Variants in PPARGC1A observed in about 807,000 individuals in gnomAD.
PPARGC1A encodes the protein PPARG coactivator 1 alpha.
In PPARGC1A, 25 loss-of-function variants were observed where a neutral mutation model predicts 88.7. That is an observed-to-expected ratio of 0.28 (90% confidence interval 0.21 to 0.39). PPARGC1A has a LOEUF of 0.39. Among genes scored for constraint, PPARGC1A ranks in the 10% least tolerant of loss-of-function variants. PPARGC1A has a pLI of 1.00. For synonymous variants in PPARGC1A, 363 were observed against 355.6 expected (o/e 1.02, Z -0.24); for missense variants, 880 against 968.7 (o/e 0.91, Z 1.22).
chr4:23,942,611 C>T, the PPARGC1A span, among the ~76,000 whole-genome samples: 1 of 152,194 alleles, frequency 6.6e-6, no homozygotes, highest in Non-Finnish European at 1.5e-5. Context: ...ATTAAGCACT[C>T]ATACACTTAG....
chr4:24,171,127 C>T, the PPARGC1A span, among the ~76,000 whole-genome samples: 4 of 152,096 alleles, frequency 2.6e-5, no homozygotes, highest in African/African-American at 4.8e-5. Context: ...ATTTAAGTGT[C>T]CCGGCCAGGC....
At chr4:23,976,287 G>T in the PPARGC1A span, among the ~76,000 whole-genome samples, 1 of 152,164 alleles carries the variant, frequency 6.6e-6, no homozygotes, top group Non-Finnish European at 1.5e-5. Context: ...TGTAGGCTTG[G>T]GACCCTGAAG....
chr4:23,830,988 T>C (rs1373603090), intron 3 of PPARGC1A, among the ~76,000 whole-genome samples: 1 of 152,172 alleles, frequency 6.6e-6, no homozygotes, highest in Non-Finnish European at 1.5e-5. Context: ...TTTCTAGGAT[T>C]GTATGTATAA....
At chr4:24,347,209 C>T in the PPARGC1A span, among the ~76,000 whole-genome samples, 2 of 152,084 alleles carry the variant, frequency 1.3e-5, no homozygotes, top group African/African-American at 2.4e-5. Flanking sequence ...GGAGAAAGTT[C>T]CATGTGCTGT....
chr4:24,317,724 C>T, the PPARGC1A span, among the ~76,000 whole-genome samples: 1 of 151,884 alleles, frequency 6.6e-6, no homozygotes, highest in Non-Finnish European at 1.5e-5. Flanking sequence ...CTGTTCTCCA[C>T]AGCCCCAGCC....
chr4:23,832,571 A>T (rs1725207232), intron 2 of PPARGC1A, among the ~76,000 whole-genome samples: 1 of 150,898 alleles, frequency 6.6e-6, no homozygotes, highest in Non-Finnish European at 1.5e-5. Flanking sequence ...TGGCTGGGGT[A>T]CTATTCCAGT....
intron 2 of PPARGC1A, among the ~76,000 whole-genome samples, chr4:23,848,397 C>A (rs1000588203): frequency 6.6e-6 from 1 of 152,130 alleles, no homozygotes; most frequent in East Asian, 1.9e-4. Context: ...ATGATGCCCT[C>A]GAGCTAACCC....
At chr4:24,433,554 G>A in the PPARGC1A span, among the ~76,000 whole-genome samples, 2 of 152,090 alleles carry the variant, frequency 1.3e-5, no homozygotes, top group African/African-American at 4.8e-5. Flanking sequence ...CTTTCTACAG[G>A]CTTTGAGTTT....
chr4:24,144,340 A>G, the PPARGC1A span, among the ~76,000 whole-genome samples: 40 of 152,196 alleles, frequency 2.6e-4, no homozygotes, highest in Admixed American at 2.5e-3. Context: ...TTATTAGGAC[A>G]TTCAGTGACC....
the PPARGC1A span, among the ~76,000 whole-genome samples, chr4:23,990,961 C>T: frequency 1.3e-3 from 196 of 152,146 alleles, 2 homozygotes; most frequent in African/African-American, 4.5e-3. Context: ...CTAAACAGCT[C>T]ACCCTACAAG....
chr4:23,996,885 C>A, the PPARGC1A span, among the ~76,000 whole-genome samples: 4 of 152,188 alleles, frequency 2.6e-5, no homozygotes, highest in Admixed American at 6.5e-5. Flanking sequence ...TTGCCAACAC[C>A]CAGTCTAGGT....
At chr4:23,940,172 C>T in the PPARGC1A span, among the ~76,000 whole-genome samples, 2 of 152,192 alleles carry the variant, frequency 1.3e-5, no homozygotes, top group South Asian at 2.1e-4. Context: ...ATTTATCAAA[C>T]ATGTATTAAG....
intron 12 of PPARGC1A, among the ~76,000 whole-genome samples, chr4:23,800,817 T>C (rs1163879108): frequency 6.6e-6 from 1 of 151,870 alleles, no homozygotes; most frequent in African/African-American, 2.4e-5. Flanking sequence ...ATATTATGTA[T>C]GCTTCAGTTT....
chr4:24,124,757 A>T, the PPARGC1A span, among the ~76,000 whole-genome samples: 4 of 152,194 alleles, frequency 2.6e-5, no homozygotes, highest in Non-Finnish European at 4.4e-5. Context: ...AGTAGTAGGC[A>T]GACTGTCCAC....
chr4:23,913,224 TTATA>T, the PPARGC1A span, among the ~76,000 whole-genome samples: 1 of 138,282 alleles, frequency 7.2e-6, no homozygotes, highest in Admixed American at 7.8e-5. Context: ...TTGGTAGATA[TTATA>T]TATATTATAT....
At chr4:23,960,725 C>G in the PPARGC1A span, among the ~76,000 whole-genome samples, 1 of 152,142 alleles carries the variant, frequency 6.6e-6, no homozygotes. Flanking sequence ...TCAATTAGCT[C>G]TCTTATTTCT....
chr4:24,068,338 C>T, the PPARGC1A span, among the ~76,000 whole-genome samples: 1 of 152,180 alleles, frequency 6.6e-6, no homozygotes. Context: ...AGAACAGTAT[C>T]TGCAGAAGCC....
At chr4:23,859,458 C>T (rs1730809696) in intron 2 of PPARGC1A, among the ~76,000 whole-genome samples, 1 of 152,074 alleles carries the variant, frequency 6.6e-6, no homozygotes, top group African/African-American at 2.4e-5. Flanking sequence ...AATTGGGAGA[C>T]TGCAAAGAAG....
At chr4:24,216,142 C>CTTTT in the PPARGC1A span, among the ~76,000 whole-genome samples, 93 of 83,224 alleles carry the variant, frequency 1.1e-3, no homozygotes, top group South Asian at 2.1e-3. Context: ...GCAGCTAACT[C>CTTTT]TTTTTTTTTT....
Sources: gnomAD v4.1 joint callset for allele counts (sites outside exome capture counted in the v4.1 genomes callset) on GRCh38, gnomAD v4.1.1 for gene constraint, MANE v1.5 for transcripts, NCBI Gene and HGNC (gene_info 2026-07-23, HGNC 2026-07-21) for gene names.